UNC13A: variants seen among roughly 807,000 people sequenced by gnomAD.
UNC13A encodes the protein protein unc-13 homolog A.
UNC13A carries 61 observed loss-of-function variants against 219.7 expected under a neutral mutation model. That is an observed-to-expected ratio of 0.28 (90% CI 0.23 to 0.34). UNC13A has a LOEUF of 0.34. Among genes scored for constraint, UNC13A ranks in the 10% least tolerant of loss-of-function variants. The probability of loss-of-function intolerance (pLI) is 1.00; values close to 1 mark genes in which losing one functional copy is unlikely to be tolerated. For missense variants in UNC13A, 1,476 were observed against 2,270.3 expected (o/e 0.65, Z 7.11); for synonymous variants, 920 against 884.6 (o/e 1.04, Z -0.71).
chr19:17,638,954 T>C lies in UNC13A; in HGVS notation c.3081+129A>G, dbSNP rs912038621. ...TCCCTAATCCTGAGATGTGGGTTAA[T>C]GACCCCATTTTATAGAAGAAGATAC... On this transcript the variant is annotated intron_variant, in intron 25 of 43. Coordinates refer to ENST00000519716, the MANE Select transcript of UNC13A (RefSeq NM_001080421.3). 28 of 1,137,288 alleles carry C rather than the reference T, an allele frequency of 2.5e-5. No homozygotes were observed. In the Admixed American group the frequency reaches 8.3e-4, roughly 34 times the overall value. The allele number at this position is 1,137,288 out of a possible 1,614,324, so 70.4% of individuals were successfully genotyped here. A position where few individuals can be genotyped will look rare whatever the true frequency, so the allele number is the denominator to read the frequency against.
chr19:17,629,704 A>G (rs957005379), intron 30 of UNC13A, among the ~76,000 whole-genome samples: 2 of 151,950 alleles, frequency 1.3e-5, no homozygotes, highest in Non-Finnish European at 2.9e-5. Context: ...ACTCACCCCA[A>G]GACTCACTCA....
intron 21 of UNC13A, among the ~76,000 whole-genome samples, chr19:17,640,880 CTTTT>C (rs10531732): frequency 0.3 from 41,604 of 139,452 alleles, 6,090 homozygotes; most frequent in South Asian, 0.35. Context: ...TTCTTTCTTT[CTTTT>C]TTTTTTTTTT....
chr19:17,655,574 T>C (rs1324575904), intron 10 of UNC13A, among the ~76,000 whole-genome samples, 192 bp from the exon 11 acceptor site: 1 of 152,086 alleles, frequency 6.6e-6, no homozygotes, highest in East Asian at 1.9e-4. Flanking sequence ...AATGCTTCTG[T>C]GACACTTCAC....
Position 17,630,403 on chromosome 19 carries a change from T to G in UNC13A, c.3526-115A>C. Reference sequence around the variant, plus strand: ...AGAGACCAATTTCCCCGGGGTGAGATGGACAGAGGGCGAGGTAGACTTAGA... The same window carrying G: ...AGAGACCAATTTCCCCGGGGTGAGAGGGACAGAGGGCGAGGTAGACTTAGA... On this transcript the variant is annotated intron_variant, in intron 29 of 43. Coordinates refer to ENST00000519716, the MANE Select transcript of UNC13A (RefSeq NM_001080421.3). 2.7e-6 allele frequency: 4 copies of G among 1,475,628 alleles called. No individual in the cohort carries two copies. In the South Asian group the frequency reaches 5.3e-5, roughly 20 times the overall value. 91.4% of individuals were successfully genotyped at this position (1,475,628 alleles called of 1,614,324 possible). A position where few individuals can be genotyped will look rare whatever the true frequency, so the allele number is the denominator to read the frequency against.
chr19:17,620,602 C>T lies in UNC13A; in HGVS notation c.4272+91G>A, dbSNP rs113718881. The T allele has an allele frequency of 3.1e-5, 38 of 1,221,978 alleles. 1 individual carries two copies. The highest frequency in any genetic ancestry group is 1.8e-4 in the South Asian group (14 of 77,692). 75.7% of individuals were successfully genotyped at this position (1,221,978 alleles called of 1,614,324 possible). ...GACAGGTTCACAGTACGCCCTCGGA[C>T]GGCACGAACCACAGAGGTGGAAGGG... On this transcript the variant is annotated intron_variant, in intron 38 of 43. Coordinates refer to ENST00000519716, the MANE Select transcript of UNC13A (RefSeq NM_001080421.3).
intron 31 of UNC13A, among the ~76,000 whole-genome samples, chr19:17,628,765 C>T (rs1391880990): frequency 6.6e-6 from 1 of 151,950 alleles, no homozygotes; most frequent in African/African-American, 2.4e-5. Flanking sequence ...CATGTTATAC[C>T]CAGTTAACAC....
chr19:17,617,582 G>T (rs2076680218), intron 41 of UNC13A, 120 bp downstream of exon 41: 8 of 1,415,190 alleles, frequency 5.7e-6, no homozygotes, highest in Non-Finnish European at 5.8e-6. Context: ...TTGGTGCAGA[G>T]ATGTCAATTC....
intron 1 of UNC13A, 99 bp from the exon 2 acceptor site, chr19:17,676,140 C>T (rs1050989982): frequency 1.6e-6 from 2 of 1,245,624 alleles, no homozygotes; most frequent in African/African-American, 3.0e-5. Flanking sequence ...AAGATGGAGA[C>T]ATAAGGAGAG....
In UNC13A at chr19:17,668,177, C is replaced by T. The variant is rs2079698335; in HGVS notation, c.408G>A (p.Glu136=). Residue 136 remains glutamate, a synonymous_variant, in exon 6 of 44, where the codon GAG becomes GAA. Coordinates refer to ENST00000519716, the MANE Select transcript of UNC13A (RefSeq NM_001080421.3). ...RFELPLDIPE[E]EARYWAKKLE... ...GCTTCTTGGCCCAGTAGCGAGCCTCCTCTTCAGGAATGTCTGCAAGCAGAG... is the reference window on the plus strand; with the variant it reads ...GCTTCTTGGCCCAGTAGCGAGCCTCTTCTTCAGGAATGTCTGCAAGCAGAG... 2 of 1,613,664 alleles carry T rather than the reference C, an allele frequency of 1.2e-6. No individual in the cohort carries two copies.
intron 31 of UNC13A, chr19:17,628,304 C>CTTTT: frequency 8.6e-6 from 2 of 232,188 alleles, no homozygotes; most frequent in Non-Finnish European, 1.7e-5. Flanking sequence ...CAGTGACACA[C>CTTTT]TGAAGGCGTG....
rs545293000 is a variant in UNC13A at position 17,605,700 on chromosome 19, A to G, written c.*354T>C. The G allele has an allele frequency of 2.6e-5, 6 of 230,190 alleles. No homozygotes were observed. The highest frequency in any genetic ancestry group is 4.2e-5 in the Non-Finnish European group (5 of 119,502). The allele number at this position is 230,190 out of a possible 1,614,324, so 14.3% of individuals were successfully genotyped here. A position where few individuals can be genotyped will look rare whatever the true frequency, so the allele number is the denominator to read the frequency against. On this transcript the variant is annotated 3_prime_UTR_variant, in exon 44 of 44. Transcript: ENST00000519716. ...CCATCTTATGGCTTTTCCAGGGGAC[A>G]TGAGGTGGTGCCTCCCGGTACCAGA...
Position 17,621,812 on chromosome 19 carries a change from T to C in UNC13A, c.4242+20A>G. 6.2e-7 allele frequency: 1 copy of C among 1,612,456 alleles called. No individual in the cohort carries two copies. The highest frequency in any genetic ancestry group is 2.2e-5 in the East Asian group (1 of 44,884). On this transcript the variant is annotated intron_variant, in intron 37 of 43. Transcript: ENST00000519716. ...CAGACACTGGAGCTCAGGGCCTCAG[T>C]GAGACGAGGCCCTCATTACCTTTTC...
chr19:17,614,600 T>A (rs968673591), intron 41 of UNC13A, among the ~76,000 whole-genome samples: 5 of 151,578 alleles, frequency 3.3e-5, no homozygotes, highest in African/African-American at 1.2e-4. Flanking sequence ...AAGGGGAAAG[T>A]CAGAGGTGAG....
At chr19:17,620,302 A>T (rs1262824014) in intron 38 of UNC13A, among the ~76,000 whole-genome samples, 6 of 152,150 alleles carry the variant, frequency 3.9e-5, no homozygotes, top group Non-Finnish European at 8.8e-5. Context: ...AATTATGTTC[A>T]TAGTCTACCA....
chr19:17,660,393 T>A (rs1189804282), intron 8 of UNC13A, among the ~76,000 whole-genome samples: 1 of 152,154 alleles, frequency 6.6e-6, no homozygotes, highest in African/African-American at 2.4e-5. Flanking sequence ...CTTGACTAAA[T>A]TGCCTGCTTC....
chr19:17,640,247 C>G (rs2076954496), intron 22 of UNC13A, among the ~76,000 whole-genome samples: 1 of 152,184 alleles, frequency 6.6e-6, no homozygotes, highest in Non-Finnish European at 1.5e-5. Flanking sequence ...CCGTGTTGGC[C>G]AGGCTGGTCT....
Position 17,674,762 on chromosome 19 carries a change from G to A in UNC13A, c.53-6C>T, listed in dbSNP as rs764695186. On this transcript the variant is annotated splice_polypyrimidine_tract_variant and splice_region_variant and intron_variant, in intron 2 of 43. Coordinates refer to ENST00000519716, the MANE Select transcript of UNC13A (RefSeq NM_001080421.3). The surrounding 1 kb of genome is among the most constrained non-coding windows in gnomAD (Gnocchi z 5.0). ...CACGTACGTGTTGAATTTCTCTGTG[G>A]CAGTGAGAGTAGGGGTCAGCGCTGG... is the stretch of plus-strand genomic sequence containing the variant. 2.5e-6 allele frequency: 4 copies of A among 1,613,094 alleles called. No individual in the cohort carries two copies. The highest frequency in any genetic ancestry group is 3.3e-5 in the Admixed American group (2 of 59,990).
At chr19:17,630,863 G>C in intron 28 of UNC13A, 113 bp from the exon 29 acceptor site, 1 of 913,186 alleles carries the variant, frequency 1.1e-6, no homozygotes, top group Admixed American at 2.7e-5. Context: ...GCTCTGCCTG[G>C]AGCTCTCCCT....
intron 26 of UNC13A, 148 bp downstream of exon 26, chr19:17,635,876 A>C (rs1362791007): frequency 4.4e-6 from 4 of 918,458 alleles, no homozygotes; most frequent in Non-Finnish European, 6.2e-6. Flanking sequence ...CCCATATTTG[A>C]ATTTTGCACA....
Sources: gnomAD v4.1 joint callset for allele counts (sites outside exome capture counted in the v4.1 genomes callset) on GRCh38, gnomAD v4.1.1 for gene constraint, Gnocchi (gnomAD v3.1) non-coding constraint, MANE v1.5 for transcripts, NCBI Gene and HGNC (gene_info 2026-07-23, HGNC 2026-07-21) for gene names.